The following PTPRD variants were observed in gnomAD, a reference collection of about 807,000 sequenced individuals.
PTPRD encodes the protein receptor-type tyrosine-protein phosphatase delta.
PTPRD carries 34 observed loss-of-function variants against 214.5 expected under a neutral mutation model. The observed-to-expected ratio is 0.16, with a 90% CI of 0.12 to 0.21. The LOEUF (loss-of-function observed/expected upper bound fraction) is 0.21. Ranked by LOEUF, PTPRD falls within the 10% of genes least tolerant of loss-of-function variation. The pLI is 1.00. For synonymous variants in PTPRD, 1,128 were observed against 845.7 expected, an observed-to-expected ratio of 1.33 and a Z score of -5.79; for missense variants, 2,545 against 2,398.7, an observed-to-expected ratio of 1.06 and a Z score of -1.27.
chr9:9,887,228 C>T (rs544094706), intron 5 of PTPRD, among the ~76,000 whole-genome samples: 32 of 152,192 alleles, frequency 2.1e-4, no homozygotes, highest in African/African-American at 7.7e-4. Context: ...GTTCACTTCA[C>T]CGTATTTACC....
At chr9:9,775,834 C>T (rs2761716) in intron 5 of PTPRD, among the ~76,000 whole-genome samples, 65,375 of 151,054 alleles carry the variant, frequency 0.43, 14,285 homozygotes, top group African/African-American at 0.51. Flanking sequence ...CGGACGCCTG[C>T]AGTCCCAGCT....
chr9:9,099,851 G>A (rs2099788913), intron 10 of PTPRD, among the ~76,000 whole-genome samples: 1 of 152,038 alleles, frequency 6.6e-6, no homozygotes, highest in African/African-American at 2.4e-5. Context: ...CTTTTGCAAT[G>A]TGAATTAATT....
intron 32 of PTPRD, among the ~76,000 whole-genome samples, chr9:8,462,788 T>C (rs763886421): frequency 2.6e-5 from 4 of 152,012 alleles, no homozygotes; most frequent in Non-Finnish European, 4.4e-5. Flanking sequence ...TAAATTTTTA[T>C]TTAGTCCTTG....
At chr9:8,655,992 G>C (rs1300936996) in intron 12 of PTPRD, among the ~76,000 whole-genome samples, 1 of 152,004 alleles carries the variant, frequency 6.6e-6, no homozygotes, top group African/African-American at 2.4e-5. Flanking sequence ...AAACCTATCA[G>C]ACAAGACTTT....
intron 4 of PTPRD, among the ~76,000 whole-genome samples, chr9:9,996,838 A>G (rs2096138208): frequency 6.6e-6 from 1 of 152,136 alleles, no homozygotes. Context: ...CAACAAGACA[A>G]CCTTCAACAA....
At chr9:8,940,019 T>A (rs1480090053) in intron 11 of PTPRD, among the ~76,000 whole-genome samples, 1 of 151,518 alleles carries the variant, frequency 6.6e-6, no homozygotes, top group African/African-American at 2.4e-5. Flanking sequence ...TCAAATATTA[T>A]CATTTTAATT....
intron 3 of PTPRD, among the ~76,000 whole-genome samples, chr9:10,230,327 CA>C (rs2099604311): frequency 6.6e-6 from 1 of 151,958 alleles, no homozygotes; most frequent in African/African-American, 2.4e-5. Flanking sequence ...GAAGCTGTAA[CA>C]AACTAATATA....
chr9:10,551,498 T>C (rs1032086843), intron 2 of PTPRD, among the ~76,000 whole-genome samples: 1 of 152,124 alleles, frequency 6.6e-6, no homozygotes, highest in African/African-American at 2.4e-5. Flanking sequence ...GAGGTGATTA[T>C]GAAGGTCCTG....
chr9:8,741,265 A>G (rs1270898368), intron 11 of PTPRD, among the ~76,000 whole-genome samples: 1 of 152,206 alleles, frequency 6.6e-6, no homozygotes, highest in South Asian at 2.1e-4. Context: ...AAATAGAACT[A>G]TAATTCTGAT....
intron 2 of PTPRD, among the ~76,000 whole-genome samples, chr9:10,385,677 T>C (rs922497528): frequency 2.0e-5 from 3 of 151,846 alleles, no homozygotes; most frequent in Non-Finnish European, 2.9e-5. Context: ...CATTCACTTA[T>C]AAAATATAGA....
intron 11 of PTPRD, among the ~76,000 whole-genome samples, chr9:8,898,258 A>C (rs1347126225): frequency 7.8e-6 from 1 of 128,076 alleles, no homozygotes; most frequent in African/African-American, 3.1e-5. Context: ...GAGAAAATGA[A>C]CTTTTTTTTT....
intron 8 of PTPRD, among the ~76,000 whole-genome samples, chr9:9,565,819 T>A (rs865980239): frequency 1.3e-5 from 2 of 151,898 alleles, no homozygotes; most frequent in Non-Finnish European, 2.9e-5. Context: ...TTTTGAAGAA[T>A]TTATATGTTA....
intron 9 of PTPRD, among the ~76,000 whole-genome samples, chr9:9,371,356 G>A (rs952680018): frequency 1.1e-4 from 16 of 152,036 alleles, no homozygotes; most frequent in African/African-American, 1.7e-4. Context: ...TGTATGTGTC[G>A]AGGAATTTAT....
In PTPRD at chr9:8,404,542, A is replaced by G. The variant is rs757250445; in HGVS notation, c.4205T>C (p.Ile1402Thr). 17 of 1,611,886 alleles carry G rather than the reference A, an allele frequency of 1.1e-5. No homozygotes were observed. The highest frequency in any genetic ancestry group is 1.4e-5 in the Non-Finnish European group (17 of 1,178,414). Residue 1402 changes from isoleucine to threonine, a missense_variant, in exon 36 of 46, where the codon ATA (isoleucine) becomes ACA (threonine). Transcript: ENST00000381196. ...TGATGTCTGCATTTCCTTACCTTCT[A>G]TAGCTGATAGGAGAACCCGGGAATG... ...YDHSRVLLSA[I>T]EGIPGSDYVN...
chr9:9,049,145 A>G (rs1477516581), intron 10 of PTPRD, among the ~76,000 whole-genome samples: 3 of 152,156 alleles, frequency 2.0e-5, no homozygotes, highest in African/African-American at 7.2e-5. Context: ...TCCTTGTAAA[A>G]CCTAAGGTCT....
intron 9 of PTPRD, among the ~76,000 whole-genome samples, chr9:9,286,851 CA>C (rs1320094373): frequency 8.8e-6 from 1 of 114,198 alleles, no homozygotes; most frequent in Non-Finnish European, 1.8e-5. Context: ...CAGAACAGCT[CA>C]AGGCAGTCTT....
intron 6 of PTPRD, among the ~76,000 whole-genome samples, chr9:9,752,009 ATTC>A (rs1251352212): frequency 3.3e-5 from 5 of 152,122 alleles, no homozygotes; most frequent in African/African-American, 9.6e-5. Flanking sequence ...TATTCGATTT[ATTC>A]TTCATTTCTA....
intron 7 of PTPRD, among the ~76,000 whole-genome samples, chr9:9,710,973 A>C (rs1287528153): frequency 3.3e-5 from 5 of 151,194 alleles, no homozygotes; most frequent in South Asian, 4.2e-4. Flanking sequence ...AGCGAGAGAG[A>C]GCGTGTGTGT....
chr9:8,799,525 G>A (rs557997646), intron 11 of PTPRD, among the ~76,000 whole-genome samples: 8 of 152,188 alleles, frequency 5.3e-5, no homozygotes, highest in Non-Finnish European at 1.0e-4. Flanking sequence ...GGAAGAGGAA[G>A]GAAGTGTTAC....
Sources: allele counts gnomAD v4.1 joint callset (sites outside exome capture counted in the v4.1 genomes callset), GRCh38; gene constraint gnomAD v4.1.1; transcripts MANE v1.5; gene names NCBI Gene and HGNC (gene_info 2026-07-23, HGNC 2026-07-21).